The following PRDM16 variants were observed in gnomAD, a reference collection of about 807,000 sequenced individuals.
PRDM16 encodes the protein PR/SET domain 16.
In PRDM16, 23 loss-of-function variants were observed where a neutral mutation model predicts 110.6. The ratio of observed to expected loss-of-function variants is 0.21; its 90% CI spans 0.15 to 0.29. The LOEUF (loss-of-function observed/expected upper bound fraction) is 0.29, where lower values mean the gene tolerates loss of function less well. Ranked by LOEUF, PRDM16 falls within the 10% of genes least tolerant of loss-of-function variation. The probability of loss-of-function intolerance (pLI) is 1.00; values close to 1 mark genes in which losing one functional copy is unlikely to be tolerated. For synonymous variants in PRDM16, 799 were observed against 781.8 expected (o/e 1.02, Z -0.37); for missense variants, 1,615 against 1,794.3 (o/e 0.90, Z 1.81).
chr1:3,312,077 G>A (rs990324415), intron 3 of PRDM16, among the ~76,000 whole-genome samples: 13 of 152,188 alleles, frequency 8.5e-5, no homozygotes, highest in African/African-American at 1.4e-4. Flanking sequence ...ATCGCAGCCC[G>A]GCTGCTCCCC....
Position 3,246,212 on chromosome 1 carries a change from G to A in PRDM16, c.438+2075G>A, listed in dbSNP as rs1178934650. 2.0e-5 allele frequency among the ~76,000 whole-genome samples: 3 copies of A among 152,146 alleles called. No individual in the cohort carries two copies. Among genetic ancestry groups the A allele is most frequent in the Non-Finnish European group, 2.9e-5 (2 of 68,018 alleles). Reference sequence around the variant, plus strand: ...CTTATATGTGTGGCCATTAGGTCTCGCTCAGTGTGGCCCAAGGTCATTCTT... The same window carrying A: ...CTTATATGTGTGGCCATTAGGTCTCACTCAGTGTGGCCCAAGGTCATTCTT... On this transcript the variant is annotated intron_variant, in intron 3 of 16. Transcript: ENST00000270722. This position sits in a 1 kb window ranked among gnomAD's most constrained non-coding sequence, Gnocchi z 5.2.
intron 1 of PRDM16, among the ~76,000 whole-genome samples, chr1:3,178,055 G>T (rs1644109076): frequency 6.6e-6 from 1 of 152,164 alleles, no homozygotes; most frequent in Non-Finnish European, 1.5e-5. Context: ...GACTTGCAAG[G>T]CTCGGCCATG....
At chr1:3,385,405 C>A in intron 4 of PRDM16, 119 bp downstream of exon 4, 1 of 1,125,910 alleles carries the variant, frequency 8.9e-7, no homozygotes, top group South Asian at 1.4e-5. Context: ...GGACATCTGC[C>A]AAGCCCTGGC....
chr1:3,323,384 C>T (rs185833319), intron 3 of PRDM16, among the ~76,000 whole-genome samples: 51 of 152,358 alleles, frequency 3.3e-4, no homozygotes, highest in African/African-American at 1.1e-3. Context: ...GTCTCACCTC[C>T]GCAGTGTGTG....
chr1:3,412,763 G>A lies in PRDM16; in HGVS notation c.2566G>A (p.Ala856Thr), dbSNP rs377029492. The A allele has an allele frequency of 1.3e-4, 197 of 1,495,320 alleles. 1 individual carries two copies. The highest frequency in any genetic ancestry group is 9.6e-5 in the Non-Finnish European group (108 of 1,123,450). 92.6% of individuals were successfully genotyped at this position (1,495,320 alleles called of 1,614,324 possible). Residue 856 changes from alanine (A) to threonine (T), a missense_variant, in exon 9 of 17, where the codon GCC becomes ACC. Ala to Thr is a moderately conservative substitution (Grantham distance 58). This residue lies in a region of PRDM16 where 772 missense variants were observed against 748.3 expected (regional missense o/e 1.03). Coordinates refer to ENST00000270722, the MANE Select transcript of PRDM16 (RefSeq NM_022114.4). ...RMPQQPPLHY[A>T]KPSPFFMDPI... ...GCCCCAGCAGCCCCCGCTCCACTAC[G>A]CCAAGCCCTCGCCCTTCTTCATGGA...
intron 3 of PRDM16, among the ~76,000 whole-genome samples, chr1:3,270,789 G>T (rs1640433419): frequency 6.6e-6 from 1 of 151,150 alleles, no homozygotes; most frequent in African/African-American, 2.4e-5. Context: ...AGTCCCAGAG[G>T]AGGAGAGTCG....
chr1:3,167,448 G>A (rs907562193), intron 1 of PRDM16, among the ~76,000 whole-genome samples: 4 of 152,010 alleles, frequency 2.6e-5, no homozygotes, highest in Non-Finnish European at 5.9e-5. Flanking sequence ...TTGTCACCGG[G>A]GGTCACATTC....
intron 1 of PRDM16, among the ~76,000 whole-genome samples, chr1:3,094,332 C>A (rs114476851): frequency 2.0e-5 from 3 of 152,214 alleles, no homozygotes; most frequent in African/African-American, 7.2e-5. Flanking sequence ...ATTGTCAGAG[C>A]GGAACGACTT....
chr1:3,137,929 G>A (rs988043805), intron 1 of PRDM16, among the ~76,000 whole-genome samples: 1 of 152,216 alleles, frequency 6.6e-6, no homozygotes, highest in Non-Finnish European at 1.5e-5. Context: ...AATGTCCCAC[G>A]ATGCATTTGA....
At chr1:3,310,583 C>T (rs899858913) in intron 3 of PRDM16, among the ~76,000 whole-genome samples, 1 of 152,076 alleles carries the variant, frequency 6.6e-6, no homozygotes, top group African/African-American at 2.4e-5. Context: ...AATGTTTGAC[C>T]GAGCCGGGTT....
At chr1:3,352,496 C>T (rs72633304) in intron 3 of PRDM16, among the ~76,000 whole-genome samples, 19,434 of 152,284 alleles carry the variant, frequency 0.13, 1,652 homozygotes, top group Middle Eastern at 0.23. Context: ...TCTATCATTT[C>T]GTTTGTTCTC....
intron 1 of PRDM16, among the ~76,000 whole-genome samples, chr1:3,170,510 G>A (rs2100759130): frequency 6.6e-6 from 1 of 152,322 alleles, no homozygotes; most frequent in South Asian, 2.1e-4. Context: ...CCGAGAGCCG[G>A]AGCCCAAGGT....
intron 3 of PRDM16, among the ~76,000 whole-genome samples, chr1:3,354,757 G>A (rs188505403): frequency 3.3e-5 from 5 of 152,280 alleles, no homozygotes; most frequent in East Asian, 1.9e-4. Flanking sequence ...GGACCAGGAC[G>A]TCTAAATCCT....
intron 1 of PRDM16, among the ~76,000 whole-genome samples, chr1:3,116,324 G>A (rs1212284577): frequency 6.6e-6 from 1 of 152,182 alleles, no homozygotes; most frequent in Non-Finnish European, 1.5e-5. Context: ...CGCGGTGCGT[G>A]CTTAATACCC....
intron 1 of PRDM16, among the ~76,000 whole-genome samples, chr1:3,173,241 G>A (rs1344446539): frequency 6.6e-6 from 1 of 152,096 alleles, no homozygotes. Context: ...ATAAAGGAGA[G>A]GAAGAAAAAA....
chr1:3,189,094 T>C (rs1317193264), intron 2 of PRDM16, among the ~76,000 whole-genome samples: 1 of 152,200 alleles, frequency 6.6e-6, no homozygotes, highest in East Asian at 1.9e-4. Context: ...TCTGAGGACT[T>C]CTTCCTCTTG....
chr1:3,137,393 A>T (rs12741594), intron 1 of PRDM16, among the ~76,000 whole-genome samples: 7,217 of 152,058 alleles, frequency 0.047, 242 homozygotes, highest in Non-Finnish European at 0.067. Context: ...ATCATGTGTG[A>T]GAGAGAGAGG....
Position 3,069,324 on chromosome 1 carries a change from C to T in PRDM16, c.37+28C>T, listed in dbSNP as rs1641681374. 3.2e-6 allele frequency: 4 copies of T among 1,231,238 alleles called. No individual in the cohort carries two copies. In the East Asian group the frequency reaches 1.4e-4, roughly 44 times the overall value. The allele number at this position is 1,231,238 out of a possible 1,614,324, so 76.3% of individuals were successfully genotyped here. A position where few individuals can be genotyped will look rare whatever the true frequency, so the allele number is the denominator to read the frequency against. Reference sequence around the variant, plus strand: ...AAGTCTCCCGCGCTCGGCCGCGCCGCGCCGCCGGGGCCCGGGCCGCCGGGC... The same window carrying T: ...AAGTCTCCCGCGCTCGGCCGCGCCGTGCCGCCGGGGCCCGGGCCGCCGGGC... On this transcript the variant is annotated intron_variant, in intron 1 of 16. Coordinates refer to ENST00000270722, the MANE Select transcript of PRDM16 (RefSeq NM_022114.4). The surrounding 1 kb of genome is among the most constrained non-coding windows in gnomAD (Gnocchi z 6.1).
rs1339058094 is a variant in PRDM16 at position 3,382,657 on chromosome 1, G to T, written c.439-2495G>T. ...TCCTGCCTCTTGGGAAGTGGCCTGA[G>T]CCCCATCAGCTGGTCCCTGGGCTGA... On this transcript the variant is annotated intron_variant, in intron 3 of 16. Transcript: ENST00000270722. The surrounding 1 kb of genome is among the most constrained non-coding windows in gnomAD (Gnocchi z 6.6). Among the ~76,000 whole-genome samples, 1 of 152,182 alleles carries T rather than the reference G, an allele frequency of 6.6e-6. No homozygotes were observed. The highest frequency in any genetic ancestry group is 1.5e-5 in the Non-Finnish European group (1 of 68,022).
Sources: allele counts gnomAD v4.1 joint callset (sites outside exome capture counted in the v4.1 genomes callset), GRCh38; gene constraint gnomAD v4.1.1; regional missense constraint gnomAD v4.1.1; non-coding constraint Gnocchi (gnomAD v3.1); transcripts MANE v1.5; gene names NCBI Gene and HGNC (gene_info 2026-07-23, HGNC 2026-07-21).